Variants in ATM observed in about 807,000 individuals in gnomAD.
ATM encodes the protein ATM serine/threonine kinase, also known as serine-protein kinase ATM.
A neutral mutation model predicts 387.0 loss-of-function variants in ATM; 308 were observed. The ratio of observed to expected loss-of-function variants is 0.80; its 90% CI spans 0.73 to 0.87. The LOEUF (loss-of-function observed/expected upper bound fraction) is 0.87, where lower values mean the gene tolerates loss of function less well. Among genes scored for constraint, ATM ranks in the 40% least tolerant of loss-of-function variants. The pLI is 0.00. For synonymous variants in ATM, 1,156 were observed against 1,187.3 expected, an observed-to-expected ratio of 0.97 and a Z score of 0.54; for missense variants, 3,312 against 3,560.9, an observed-to-expected ratio of 0.93 and a Z score of 1.78.
At chr11:108,289,145 T>C in intron 28 of ATM, 42 bp downstream of exon 28, 1 of 1,563,750 alleles carries the variant, frequency 6.4e-7, no homozygotes, top group Non-Finnish European at 8.7e-7. Flanking sequence ...CATTCCTTCT[T>C]TTTTAGCTAA....
At chr11:108,227,527 C>T (rs1169004629) in intron 1 of ATM, 68 bp from the exon 2 acceptor site, 13 of 987,816 alleles carry the variant, frequency 1.3e-5, no homozygotes, top group Non-Finnish European at 1.9e-5. Context: ...CATTTTTTCA[C>T]ACCTCTTTCT....
chr11:108,280,334 G>C (rs1591634217), intron 23 of ATM, among the ~76,000 whole-genome samples: 1 of 152,094 alleles, frequency 6.6e-6, no homozygotes, highest in Non-Finnish European at 1.5e-5. Context: ...AAAGACCTAG[G>C]AAGTTTTGTA....
At chr11:108,287,046 G>T (rs949112546) in intron 26 of ATM, 1 of 152,416 alleles carries the variant, frequency 6.6e-6, no homozygotes, top group Non-Finnish European at 1.5e-5. Flanking sequence ...ATCTGTTGGG[G>T]AGGGTTTTAT....
chr11:108,365,622 G>T lies in ATM; in HGVS notation c.*114G>T, dbSNP rs1354314806. 1.5e-6 allele frequency: 2 copies of T among 1,316,004 alleles called. No individual in the cohort carries two copies. The highest frequency in any genetic ancestry group is 3.0e-5 in the African/African-American group (2 of 67,128). 81.5% of individuals were successfully genotyped at this position (1,316,004 alleles called of 1,614,324 possible). On this transcript the variant is annotated 3_prime_UTR_variant, in exon 63 of 63. Coordinates refer to ENST00000675843, the MANE Select transcript of ATM (RefSeq NM_000051.4). ...GATTAATATTTAAGTGAACTATTGT[G>T]GGTTTTTTTGAATGTTGGTTTTAAT...
intron 61 of ATM, among the ~76,000 whole-genome samples, chr11:108,364,232 C>T (rs2091099322): frequency 1.3e-5 from 2 of 152,190 alleles, no homozygotes; most frequent in African/African-American, 2.4e-5. Context: ...GTGTTCCAAC[C>T]TTGTAATACT....
chr11:108,318,951 G>A (rs924901726), intron 43 of ATM, among the ~76,000 whole-genome samples: 10 of 152,094 alleles, frequency 6.6e-5, no homozygotes, highest in Non-Finnish European at 1.5e-4. Context: ...TGAGGAGGGT[G>A]GATCACATGA....
rs369583811 is a variant in ATM, at chr11:108,366,029, CA to C, written c.*540del. 0.51 allele frequency: 50,944 copies of C among 100,348 alleles called. 8,367 individuals carry two copies. Among genetic ancestry groups the C allele is most frequent in the Middle Eastern group, 0.63 (143 of 228 alleles). The allele number at this position is 100,348 out of a possible 1,614,324, so 6.2% of individuals were successfully genotyped here. A position where few individuals can be genotyped will look rare whatever the true frequency, so the allele number is the denominator to read the frequency against. On this transcript the variant is annotated 3_prime_UTR_variant, in exon 63 of 63. Transcript: ENST00000675843. ...GGGTGACAAGAGCGAAACTCCATCT[CA>C]AAAAAAAAAAAAAAAAAACAGAAAC...
At chr11:108,246,884 C>T (rs2079872946) in intron 7 of ATM, 80 bp from the exon 8 acceptor site, 4 of 1,179,896 alleles carry the variant, frequency 3.4e-6, no homozygotes, top group Non-Finnish European at 5.0e-6. Flanking sequence ...TGCAGCTTGA[C>T]AGCTGAATAA....
chr11:108,356,853 C>G (rs951419447), intron 61 of ATM, among the ~76,000 whole-genome samples: 6 of 152,182 alleles, frequency 3.9e-5, no homozygotes, highest in South Asian at 2.1e-4. Context: ...TTTGGATTTC[C>G]TTTGAGTGAG....
rs762810180 is a variant in ATM, at chr11:108,272,762, G to A, written c.3194G>A (p.Gly1065Glu). Residue 1065 changes from glycine to glutamate, a missense_variant, in exon 22 of 63, where the codon GGA (glycine) becomes GAA (glutamate). By Grantham distance (98) the Gly-to-Glu change is moderately conservative. Coordinates refer to ENST00000675843, the MANE Select transcript of ATM (RefSeq NM_000051.4). The part of the protein sequence containing the change: ...YSKWAILNVM[G>E]KDFPVNEVFT... ...AAATGGGCCATTCTTAATGTAATGG[G>A]AAAAGACTTTCCTGTAAATGAAGTA... The A allele has an allele frequency of 1.2e-6, 2 of 1,614,028 alleles. No individual in the cohort carries two copies. Among genetic ancestry groups the A allele is most frequent in the East Asian group, 4.5e-5 (2 of 44,862 alleles).
intron 61 of ATM, among the ~76,000 whole-genome samples, chr11:108,359,537 T>C (rs747570397): frequency 5.9e-5 from 9 of 152,198 alleles, no homozygotes; most frequent in Non-Finnish European, 1.3e-4. Flanking sequence ...ATTGACCCCA[T>C]AGTTGGAAGT....
At chr11:108,262,995 T>A (rs968532385) in intron 16 of ATM, among the ~76,000 whole-genome samples, 1 of 151,778 alleles carries the variant, frequency 6.6e-6, no homozygotes, top group Non-Finnish European at 1.5e-5. Flanking sequence ...AAGTCCTGAG[T>A]GACCTACAAA....
rs769959260 is a variant in ATM, at chr11:108,353,868, G to T, written c.8774G>T (p.Gly2925Val). The T allele has an allele frequency of 6.2e-7, 1 of 1,612,804 alleles. No homozygotes were observed. Among genetic ancestry groups the T allele is most frequent in the Middle Eastern group, 1.7e-4 (1 of 6,058 alleles). The change falls in exon 60 of 63, where the codon GGT becomes GTT. Residue 2925 changes from glycine to valine, a missense_variant. By Grantham distance (109) the Gly-to-Val change is moderately radical. Coordinates refer to ENST00000675843, the MANE Select transcript of ATM (RefSeq NM_000051.4). ...VDGMGITGVE[G>V]VFRRCCEKTM... ...GGCATGGGCATTACGGGTGTTGAAG[G>T]TGTCTTCAGAAGGTAAGTGATATGA...
At chr11:108,223,262 C>T (rs1489285826) in intron 1 of ATM, 76 bp downstream of exon 1, 1 of 157,244 alleles carries the variant, frequency 6.4e-6, no homozygotes, top group African/African-American at 2.4e-5. Flanking sequence ...GTCCTCTCCC[C>T]AGACCGCCAA....
intron 5 of ATM, among the ~76,000 whole-genome samples, chr11:108,237,633 A>G (rs1204526487): frequency 6.6e-6 from 1 of 152,160 alleles, no homozygotes; most frequent in Non-Finnish European, 1.5e-5. Context: ...TGCTCAAAAT[A>G]TATATTTGGT....
At chr11:108,302,766 G>T in intron 35 of ATM, 87 bp from the exon 36 acceptor site, 1 of 1,280,918 alleles carries the variant, frequency 7.8e-7, no homozygotes, top group Non-Finnish European at 1.1e-6. Context: ...GCTTTATTCA[G>T]AAAGATTTGT....
At chr11:108,290,638 CAAAAAAAAAAAAAAAA>C (rs10603787) in intron 29 of ATM, 2 of 68,670 alleles carry the variant, frequency 2.9e-5, no homozygotes, top group East Asian at 1.0e-3. Flanking sequence ...ACTCTTGTCT[CAAAAAAAAAAAAAAAA>C]AAAAAAAAAA....
rs1484003806 is a variant in ATM at position 108,368,211 on chromosome 11, GA to G, written c.*2704del. 1 of 194,020 alleles carries G rather than the reference GA, an allele frequency of 5.2e-6. No homozygotes were observed. The highest frequency in any genetic ancestry group is 1.1e-5 in the Non-Finnish European group (1 of 95,144). 12.0% of individuals were successfully genotyped at this position (194,020 alleles called of 1,614,324 possible). A position where few individuals can be genotyped will look rare whatever the true frequency, so the allele number is the denominator to read the frequency against. On this transcript the variant is annotated 3_prime_UTR_variant, in exon 63 of 63. Transcript: ENST00000675843. ...AGATGACAGAATTAAGATTATAAAA[GA>G]TTTTTTTTTTGTAATTTTAGTAGAG...
chr11:108,361,599 G>T (rs1371226826), intron 61 of ATM, among the ~76,000 whole-genome samples: 1 of 151,732 alleles, frequency 6.6e-6, no homozygotes, highest in Non-Finnish European at 1.5e-5. Context: ...CCAAAACAGA[G>T]ATATAGATCA....
Sources: allele counts gnomAD v4.1 joint callset (sites outside exome capture counted in the v4.1 genomes callset), GRCh38; gene constraint gnomAD v4.1.1; transcripts MANE v1.5; gene names NCBI Gene and HGNC (gene_info 2026-07-23, HGNC 2026-07-21).